GOLGB1: variants seen among roughly 807,000 people sequenced by gnomAD.
The protein encoded by GOLGB1 is golgin subfamily B member 1.
GOLGB1 carries 174 observed loss-of-function variants against 336.9 expected under a neutral mutation model. The observed-to-expected ratio is 0.52, with a 90% CI of 0.46 to 0.59. The LOEUF (loss-of-function observed/expected upper bound fraction) is 0.59. Ranked by LOEUF, GOLGB1 falls within the 20% of genes least tolerant of loss-of-function variation. The pLI is 0.00. For synonymous variants in GOLGB1, 1,208 were observed against 1,289.2 expected (o/e 0.94, Z 1.35); for missense variants, 3,331 against 3,645.3 (o/e 0.91, Z 2.22).
At chr3:121,665,177 A>T (rs1354587490) in intron 20 of GOLGB1, 146 bp from the exon 21 acceptor site, 6 of 603,190 alleles carry the variant, frequency 9.9e-6, no homozygotes, top group Non-Finnish European at 1.8e-5. Context: ...AACCCATGCA[A>T]GGGGGGTACC....
At chr3:121,680,579 A>G (rs1940957048) in intron 15 of GOLGB1, among the ~76,000 whole-genome samples, 1 of 152,244 alleles carries the variant, frequency 6.6e-6, no homozygotes, top group African/African-American at 2.4e-5. Flanking sequence ...ACTGGGTGCC[A>G]TAGCAGAATG....
rs773827755 is a variant in GOLGB1 at position 121,681,794 on chromosome 3, C to T, written c.8766G>A (p.Leu2922=). 18 of 1,604,628 alleles carry T rather than the reference C, an allele frequency of 1.1e-5. No homozygotes were observed. The Admixed American group carries it at 3.0e-4, about 27-fold the overall frequency. ...INQEITELHP[L]KAQLQEYQDK... ...CTTGATACTCCTGAAGTTGAGCCTTCAGTGGATGTAACTCAGTGATCTCTT... is the reference window on the plus strand; with the variant it reads ...CTTGATACTCCTGAAGTTGAGCCTTTAGTGGATGTAACTCAGTGATCTCTT... Residue 2922 remains leucine (L), a synonymous_variant, in exon 15 of 22, where the codon CTG becomes CTA. Coordinates refer to ENST00000614479, the MANE Select transcript of GOLGB1 (RefSeq NM_001366282.2).
At chr3:121,680,359 A>T (rs1380634245) in intron 15 of GOLGB1, among the ~76,000 whole-genome samples, 2 of 152,244 alleles carry the variant, frequency 1.3e-5, no homozygotes, top group African/African-American at 4.8e-5. Context: ...AGAAAAGGAA[A>T]TCAACAGTTT....
At chr3:121,685,319 G>A (rs539878276) in intron 14 of GOLGB1, among the ~76,000 whole-genome samples, 3 of 152,138 alleles carry the variant, frequency 2.0e-5, no homozygotes, top group East Asian at 1.9e-4. Context: ...GGTGGATCAC[G>A]AGGTCAAAAG....
At chr3:121,732,388 T>C (rs1014312941) in intron 1 of GOLGB1, among the ~76,000 whole-genome samples, 46 of 152,292 alleles carry the variant, frequency 3.0e-4, no homozygotes, top group African/African-American at 1.1e-3. Flanking sequence ...AGCATTGCCC[T>C]AATACTAAAA....
chr3:121,697,021 C>G lies in GOLGB1; in HGVS notation c.3502G>C (p.Glu1168Gln), dbSNP rs770264513. ...TTTTCAAGGGCCAGTATCTTTTCTT[C>G]TAGTTCTGGTTTCCAGTGTTCACTA... is the stretch of plus-strand genomic sequence containing the variant. ...GSSEHWKPEL[E>Q]EKILALEKEK... Residue 1168 changes from glutamate (E) to glutamine (Q), a missense_variant, in exon 13 of 22, where the codon GAA (glutamate) becomes CAA (glutamine). Glu to Gln is a conservative substitution (Grantham distance 29). Coordinates refer to ENST00000614479, the MANE Select transcript of GOLGB1 (RefSeq NM_001366282.2). 5.6e-6 allele frequency: 9 copies of G among 1,614,108 alleles called. No homozygotes were observed. Among genetic ancestry groups the G allele is most frequent in the East Asian group, 2.2e-5 (1 of 44,874 alleles).
intron 14 of GOLGB1, among the ~76,000 whole-genome samples, chr3:121,685,811 T>C (rs143334724): frequency 2.0e-5 from 3 of 152,288 alleles, no homozygotes; most frequent in East Asian, 1.9e-4. Context: ...CCACCAAACA[T>C]TGTAGAATTT....
rs1162704444 is a variant in GOLGB1 at position 121,692,594 on chromosome 3, G to A, written c.6783-13C>T. On this transcript the variant is annotated splice_polypyrimidine_tract_variant and intron_variant, in intron 13 of 21. Coordinates refer to ENST00000614479, the MANE Select transcript of GOLGB1 (RefSeq NM_001366282.2). ...GTCATGTTCAAGCCTGAAACAGAGAGAAGGTCATTAGTTACAGATTTCAAG... is the reference window on the plus strand; with the variant it reads ...GTCATGTTCAAGCCTGAAACAGAGAAAAGGTCATTAGTTACAGATTTCAAG... 11 of 1,480,698 alleles carry A rather than the reference G, an allele frequency of 7.4e-6. No homozygotes were observed. The African/African-American group carries it at 1.1e-4, about 15-fold the overall frequency. 91.7% of individuals were successfully genotyped at this position (1,480,698 alleles called of 1,614,324 possible).
chr3:121,741,536 A>T (rs866677985), intron 1 of GOLGB1, among the ~76,000 whole-genome samples: 8 of 152,242 alleles, frequency 5.3e-5, no homozygotes, highest in South Asian at 2.1e-4. Flanking sequence ...TATTCGTATC[A>T]TCACTCCTAG....
At position 121,673,412 on chromosome 3, in the gene GOLGB1, G is replaced by A. The variant is rs114144424; in HGVS notation, c.9177+3481C>T. On this transcript the variant is annotated intron_variant, in intron 17 of 21. Coordinates refer to ENST00000614479, the MANE Select transcript of GOLGB1 (RefSeq NM_001366282.2). The stretch of plus-strand genomic sequence containing the variant: ...TCAAGATTGCTTTGGCTAGTTAGGA[G>A]TTTTTGTGGTTACATACATATTAAA... Among the ~76,000 whole-genome samples the A allele has an allele frequency of 9.5e-3, 1,447 of 152,214 alleles. 7 individuals carry two copies. The highest frequency in any genetic ancestry group is 0.016 in the Non-Finnish European group (1,092 of 68,000).
At chr3:121,669,187 A>C in intron 18 of GOLGB1, 25 bp downstream of exon 18, 1 of 1,611,176 alleles carries the variant, frequency 6.2e-7, no homozygotes, top group Non-Finnish European at 8.5e-7. Context: ...CACTTCTCCC[A>C]GTCTCTCACC....
intron 14 of GOLGB1, among the ~76,000 whole-genome samples, chr3:121,688,580 G>C (rs13074834): frequency 0.13 from 19,165 of 152,060 alleles, 1,424 homozygotes; most frequent in African/African-American, 0.19. Context: ...CCAAAGTGCC[G>C]AGAGTGCAGC....
intron 17 of GOLGB1, among the ~76,000 whole-genome samples, chr3:121,673,217 C>T (rs1337190668): frequency 1.3e-5 from 2 of 151,972 alleles, no homozygotes; most frequent in African/African-American, 2.4e-5. Context: ...TACAGGCCCC[C>T]GCCATCACGC....
chr3:121,672,687 C>T (rs1307707061), intron 17 of GOLGB1, among the ~76,000 whole-genome samples: 1 of 152,156 alleles, frequency 6.6e-6, no homozygotes, highest in South Asian at 2.1e-4. Flanking sequence ...TCAGGACTTA[C>T]ACAAAAAAAG....
intron 17 of GOLGB1, among the ~76,000 whole-genome samples, chr3:121,672,271 C>T (rs780459058): frequency 1.3e-5 from 2 of 152,080 alleles, no homozygotes; most frequent in Non-Finnish European, 1.5e-5. Flanking sequence ...CCCCCTTTCT[C>T]TGCATCCTTG....
At chr3:121,727,348 T>TTTC (rs1486301711) in intron 4 of GOLGB1, among the ~76,000 whole-genome samples, 5 of 110,216 alleles carry the variant, frequency 4.5e-5, no homozygotes, top group Non-Finnish European at 9.2e-5. Context: ...TTTTTTTTTT[T>TTTC]CCCTCACACC....
chr3:121,724,488 AAGC>A (rs553693653), intron 5 of GOLGB1, among the ~76,000 whole-genome samples: 10 of 152,228 alleles, frequency 6.6e-5, no homozygotes, highest in Non-Finnish European at 1.2e-4. Context: ...AGAAAATTTT[AAGC>A]AGCAAACTGC....
Position 121,695,562 on chromosome 3 carries a change from T to C in GOLGB1, c.4961A>G (p.Lys1654Arg), listed in dbSNP as rs145328137. ...VRQEKQELYG[K>R]LRSTEANKKE... ...CTTGTTTGCCTCTGTGCTTCTTAAC[T>C]TGCCATACAGTTCTTGTTTCTCTTG... Residue 1654 changes from lysine to arginine, a missense_variant, in exon 13 of 22, where the codon AAG becomes AGG. Physicochemically the swap from Lys to Arg is conservative, Grantham distance 26 (BLOSUM62 2). Coordinates refer to ENST00000614479, the MANE Select transcript of GOLGB1 (RefSeq NM_001366282.2). The C allele has an allele frequency of 4.3e-6, 7 of 1,614,030 alleles. No individual in the cohort carries two copies. In the African/African-American group the frequency reaches 9.3e-5, roughly 22 times the overall value.
rs146233035 is a variant in GOLGB1, at chr3:121,727,160, G to T, written c.403-119C>A. ...TTATAATTTTATTAAACTGATGGGA[G>T]CAAGAAAAACCAGCTGATCTAACAA... On this transcript the variant is annotated intron_variant, in intron 4 of 21. Coordinates refer to ENST00000614479, the MANE Select transcript of GOLGB1 (RefSeq NM_001366282.2). 4.2e-3 allele frequency: 2,195 copies of T among 526,624 alleles called. 49 individuals carry two copies. The highest frequency in any genetic ancestry group is 0.039 in the African/African-American group (1,952 of 49,718). The allele number at this position is 526,624 out of a possible 1,614,324, so 32.6% of individuals were successfully genotyped here. A position where few individuals can be genotyped will look rare whatever the true frequency, so the allele number is the denominator to read the frequency against.
Sources: gnomAD v4.1 joint callset for allele counts (sites outside exome capture counted in the v4.1 genomes callset) on GRCh38, gnomAD v4.1.1 for gene constraint, MANE v1.5 for transcripts, NCBI Gene and HGNC (gene_info 2026-07-23, HGNC 2026-07-21) for gene names.